Variants in THSD4 observed in about 807,000 individuals in gnomAD.
THSD4 encodes the protein thrombospondin type 1 domain containing 4, also known as thrombospondin type-1 domain-containing protein 4.
A neutral mutation model predicts 119.0 loss-of-function variants in THSD4; 69 were observed. That is an observed-to-expected ratio of 0.58 (90% CI 0.48 to 0.71). The LOEUF is 0.71. THSD4 is among the 30% of genes least tolerant of loss of function. THSD4 has a pLI of 0.00. For missense variants in THSD4, 1,393 were observed against 1,391.1 expected, an observed-to-expected ratio of 1.00 and a Z score of -0.02; for synonymous variants, 524 against 540.4, an observed-to-expected ratio of 0.97 and a Z score of 0.42.
chr15:71,777,467 C>G lies in THSD4; in HGVS notation c.*93C>G. On this transcript the variant is annotated 3_prime_UTR_variant, in exon 18 of 18. Transcript: ENST00000261862. ...TGGCTGCTGCTCCACCACGGGCCCC[C>G]TGGCCCAGGCGCTGCCAACCAACTT... is the stretch of plus-strand genomic sequence containing the variant. The G allele has an allele frequency of 6.7e-7, 1 of 1,494,194 alleles. No homozygotes were observed. The allele number at this position is 1,494,194 out of a possible 1,614,324, so 92.6% of individuals were successfully genotyped here.
chr15:71,575,227 A>T (rs1471412951), intron 7 of THSD4, among the ~76,000 whole-genome samples: 1 of 152,106 alleles, frequency 6.6e-6, no homozygotes, highest in Admixed American at 6.5e-5. Flanking sequence ...TTCTCTCTTC[A>T]AGTTGTCTGC....
intron 6 of THSD4, among the ~76,000 whole-genome samples, chr15:71,364,963 T>C (rs1318623436): frequency 1.3e-5 from 2 of 152,162 alleles, no homozygotes; most frequent in South Asian, 2.1e-4. Flanking sequence ...TTTTGACCCA[T>C]TGCTTCCACC....
intron 3 of THSD4, among the ~76,000 whole-genome samples, chr15:71,213,684 C>G (rs2043906028): frequency 6.6e-6 from 1 of 152,212 alleles, no homozygotes; most frequent in Non-Finnish European, 1.5e-5. Flanking sequence ...CAGTAGGTCT[C>G]TGAAATGACC....
chr15:71,284,383 A>C (rs2044690769), intron 6 of THSD4, among the ~76,000 whole-genome samples: 1 of 152,200 alleles, frequency 6.6e-6, no homozygotes, highest in African/African-American at 2.4e-5. Flanking sequence ...AAATTCATAC[A>C]CATAAGTGTT....
intron 1 of THSD4, among the ~76,000 whole-genome samples, chr15:71,126,361 C>T (rs1421410633): frequency 3.3e-5 from 5 of 152,304 alleles, no homozygotes; most frequent in Admixed American, 6.5e-5. Flanking sequence ...GAAGCAATGA[C>T]GACTCCCCTT....
intron 11 of THSD4, chr15:71,738,320 C>CT (rs1207833191): frequency 1.8e-5 from 5 of 281,066 alleles, no homozygotes; most frequent in Non-Finnish European, 3.4e-5. Flanking sequence ...CCAGTCACCT[C>CT]CTGCTGTGCG....
rs115477686 is a variant in THSD4 at position 71,597,168 on chromosome 15, A to G, written c.1153-63362A>G. ...ACCATTTAGATTATTTCTAAATTAT[A>G]GCATTAAATGTCTCAAATTCTTGGG... On this transcript the variant is annotated intron_variant, in intron 7 of 17. Coordinates refer to ENST00000261862, the MANE Select transcript of THSD4 (RefSeq NM_024817.3). Among the ~76,000 whole-genome samples the G allele has an allele frequency of 7.8e-3, 1,188 of 152,302 alleles. 16 individuals carry two copies. Among genetic ancestry groups the G allele is most frequent in the African/African-American group, 0.025 (1,047 of 41,560 alleles).
At chr15:71,335,602 A>G (rs1228655103) in intron 6 of THSD4, among the ~76,000 whole-genome samples, 1 of 152,052 alleles carries the variant, frequency 6.6e-6, no homozygotes, top group Non-Finnish European at 1.5e-5. Flanking sequence ...GAAGGGTGGG[A>G]GGTATGTGTG....
At chr15:71,446,494 T>C (rs970784441) in intron 7 of THSD4, among the ~76,000 whole-genome samples, 2 of 152,234 alleles carry the variant, frequency 1.3e-5, no homozygotes, top group Non-Finnish European at 2.9e-5. Flanking sequence ...ACCTCTAGTT[T>C]TCCAAACAAG....
Position 71,213,701 on chromosome 15 carries a change from A to T in THSD4, c.100-1334A>T, listed in dbSNP as rs74397704. ...GTAGGTCTCTGAAATGACCAGTTAA[A>T]TGAGGGTATAGATCACTCTTTGGAT... On this transcript the variant is annotated intron_variant, in intron 3 of 17. Transcript: ENST00000261862. Among the ~76,000 whole-genome samples, 978 of 152,298 alleles carry T rather than the reference A, an allele frequency of 6.4e-3. 11 individuals carry two copies. The highest frequency in any genetic ancestry group is 0.022 in the African/African-American group (917 of 41,554).
chr15:71,661,714 A>G (rs577393065), intron 8 of THSD4, among the ~76,000 whole-genome samples: 1 of 152,148 alleles, frequency 6.6e-6, no homozygotes, highest in Admixed American at 6.6e-5. Flanking sequence ...ATTACTTTTT[A>G]TGAATTTCTA....
intron 7 of THSD4, among the ~76,000 whole-genome samples, chr15:71,624,044 C>CA (rs2050465497): frequency 6.6e-6 from 1 of 152,134 alleles, no homozygotes; most frequent in Non-Finnish European, 1.5e-5. Context: ...GATTTGTCTG[C>CA]AGGAGGTCTA....
At chr15:71,738,810 A>G (rs760231010) in intron 11 of THSD4, among the ~76,000 whole-genome samples, 3 of 152,116 alleles carry the variant, frequency 2.0e-5, no homozygotes, top group Non-Finnish European at 2.9e-5. Flanking sequence ...TCCCTTTACC[A>G]TCCCAGAAGC....
chr15:71,693,719 C>A (rs2052102517), intron 8 of THSD4, among the ~76,000 whole-genome samples: 1 of 152,082 alleles, frequency 6.6e-6, no homozygotes, highest in African/African-American at 2.4e-5. Context: ...AGGCGGTTTC[C>A]CCTATGCTGT....
chr15:71,649,268 TTTTG>T (rs914854457), intron 7 of THSD4, among the ~76,000 whole-genome samples: 8 of 149,186 alleles, frequency 5.4e-5, no homozygotes, highest in African/African-American at 9.9e-5. Context: ...CTCAGGGCTT[TTTTG>T]TTTGTTTTTT....
chr15:71,774,333 A>G (rs1024726260), intron 17 of THSD4, among the ~76,000 whole-genome samples: 4 of 151,264 alleles, frequency 2.6e-5, no homozygotes, highest in South Asian at 2.1e-4. Context: ...AAAAACTACA[A>G]GAGGCTGAAG....
chr15:71,516,183 T>A (rs2048359101), intron 7 of THSD4, among the ~76,000 whole-genome samples: 1 of 152,170 alleles, frequency 6.6e-6, no homozygotes. Flanking sequence ...AGGAAGCTAA[T>A]GGAAGTGAAG....
intron 7 of THSD4, among the ~76,000 whole-genome samples, chr15:71,600,607 G>T (rs1280210938): frequency 6.6e-6 from 1 of 152,184 alleles, no homozygotes; most frequent in African/African-American, 2.4e-5. Flanking sequence ...CAGTGATGAT[G>T]ATGACAATGA....
In THSD4 at chr15:71,765,202, A is replaced by G. The variant is rs556003207; in HGVS notation, c.2769+3A>G. On this transcript the variant is annotated splice_donor_region_variant and intron_variant, in intron 16 of 17. Coordinates refer to ENST00000261862, the MANE Select transcript of THSD4 (RefSeq NM_024817.3). ...GGTTTAGCACCGAATGGAGCATGGTAAGTCATGGTGCTCTTGATGGAGGTT... is the reference window on the plus strand; with the variant it reads ...GGTTTAGCACCGAATGGAGCATGGTGAGTCATGGTGCTCTTGATGGAGGTT... The G allele has an allele frequency of 7.0e-4, 1,135 of 1,613,386 alleles. 13 individuals carry two copies. In the South Asian group the frequency reaches 0.012, roughly 17 times the overall value.
Sources: allele counts gnomAD v4.1 joint callset (sites outside exome capture counted in the v4.1 genomes callset), GRCh38; gene constraint gnomAD v4.1.1; transcripts MANE v1.5; gene names NCBI Gene and HGNC (gene_info 2026-07-23, HGNC 2026-07-21).